DOCK10: variants seen among roughly 807,000 people sequenced by gnomAD.
The protein encoded by DOCK10 is dedicator of cytokinesis protein 10.
DOCK10 carries 145 observed loss-of-function variants against 280.1 expected under a neutral mutation model. That is an observed-to-expected ratio of 0.52 (90% confidence interval 0.45 to 0.59). The LOEUF (loss-of-function observed/expected upper bound fraction) is 0.59. Ranked by LOEUF, DOCK10 falls within the 20% of genes least tolerant of loss-of-function variation. The pLI, the probability that DOCK10 is intolerant of heterozygous loss-of-function variation, is 0.00. For missense variants in DOCK10, 2,368 were observed against 2,651.7 expected (o/e 0.89, Z 2.35); for synonymous variants, 915 against 942.2 (o/e 0.97, Z 0.53).
chr2:224,822,631 G>A (rs577906047), intron 28 of DOCK10, among the ~76,000 whole-genome samples: 18 of 152,248 alleles, frequency 1.2e-4, no homozygotes, highest in Admixed American at 3.3e-4. Flanking sequence ...AGGATCGCCT[G>A]AGCCCAGGGA....
At chr2:224,961,960 AG>A (rs1704476432) in intron 1 of DOCK10, among the ~76,000 whole-genome samples, 1 of 152,192 alleles carries the variant, frequency 6.6e-6, no homozygotes, top group African/African-American at 2.4e-5. Context: ...CAGGGGGTAC[AG>A]GAATTGCAGG....
chr2:225,017,202 G>A (rs1689634378), intron 1 of DOCK10, among the ~76,000 whole-genome samples: 1 of 140,522 alleles, frequency 7.1e-6, no homozygotes, highest in Non-Finnish European at 1.5e-5. Flanking sequence ...TAGCAAGAGT[G>A]AAGAAGGTCA....
At chr2:225,015,819 T>A (rs1689575210) in intron 1 of DOCK10, among the ~76,000 whole-genome samples, 1 of 152,250 alleles carries the variant, frequency 6.6e-6, no homozygotes, top group South Asian at 2.1e-4. Flanking sequence ...GCATTGTATT[T>A]CTTTCTAATT....
chr2:224,871,771 C>A (rs929389317), intron 11 of DOCK10, among the ~76,000 whole-genome samples: 1 of 152,188 alleles, frequency 6.6e-6, no homozygotes, highest in African/African-American at 2.4e-5. Context: ...ATCACCTCTG[C>A]CGAGAGGGCC....
At chr2:224,993,563 TCACTGGGCTCCCAG>T (rs1706188608) in intron 1 of DOCK10, among the ~76,000 whole-genome samples, 1 of 152,130 alleles carries the variant, frequency 6.6e-6, no homozygotes, top group Non-Finnish European at 1.5e-5. Flanking sequence ...GTGGGAGAAA[TCACTGGGCTCCCAG>T]CATTTCAGAT....
At chr2:224,911,764 G>A (rs1575044345) in intron 3 of DOCK10, among the ~76,000 whole-genome samples, 1 of 152,112 alleles carries the variant, frequency 6.6e-6, no homozygotes, top group East Asian at 1.9e-4. Flanking sequence ...ATATACAAAT[G>A]CCGTATACAC....
intron 51 of DOCK10, among the ~76,000 whole-genome samples, chr2:224,777,203 TTAATGTAATG>T (rs144307103): frequency 6.6e-6 from 1 of 152,288 alleles, no homozygotes; most frequent in Non-Finnish European, 1.5e-5. Flanking sequence ...TGTTCAAAGG[TTAATGTAATG>T]TAATGTAATG....
chr2:224,903,158 A>G (rs1435391918), intron 3 of DOCK10, among the ~76,000 whole-genome samples: 2 of 152,234 alleles, frequency 1.3e-5, no homozygotes, highest in Non-Finnish European at 2.9e-5. Flanking sequence ...CTCTTGAGGC[A>G]GAAGTACAAA....
At position 224,921,908 on chromosome 2, in the gene DOCK10, T is replaced by C. The variant is rs148002340; in HGVS notation, c.244-5124A>G. 3.0e-3 allele frequency among the ~76,000 whole-genome samples: 459 copies of C among 151,992 alleles called. 8 individuals carry two copies. Among genetic ancestry groups the C allele is most frequent in the African/African-American group, 0.011 (438 of 41,452 alleles). On this transcript the variant is annotated intron_variant, in intron 2 of 55. Coordinates refer to ENST00000258390, the MANE Select transcript of DOCK10 (RefSeq NM_014689.3). ...TGAGGTTGGGAGTGTGAGACCAGCC[T>C]GACCAACACGAAGAAACCCCGTCTC...
chr2:224,963,520 T>C (rs911131516), intron 1 of DOCK10, among the ~76,000 whole-genome samples: 3 of 152,188 alleles, frequency 2.0e-5, no homozygotes, highest in African/African-American at 7.2e-5. Flanking sequence ...GCCATAGTAA[T>C]CATTACATTG....
intron 1 of DOCK10, among the ~76,000 whole-genome samples, chr2:224,978,619 G>C (rs966321538): frequency 6.6e-6 from 1 of 152,078 alleles, no homozygotes; most frequent in Admixed American, 6.5e-5. Flanking sequence ...TGTGTTAGAA[G>C]GTAATGCGTG....
intron 1 of DOCK10, among the ~76,000 whole-genome samples, chr2:224,973,778 T>C (rs1403430474): frequency 6.6e-6 from 1 of 152,150 alleles, no homozygotes; most frequent in East Asian, 1.9e-4. Context: ...AGCCAAGGTA[T>C]ACAGAATTTA....
chr2:224,920,735 C>T (rs1018855681), intron 2 of DOCK10, among the ~76,000 whole-genome samples: 1 of 151,870 alleles, frequency 6.6e-6, no homozygotes, highest in Non-Finnish European at 1.5e-5. Context: ...TTCCTCTTTT[C>T]CATTTTCCAC....
intron 1 of DOCK10, among the ~76,000 whole-genome samples, chr2:224,981,719 T>G (rs749971728): frequency 2.0e-5 from 3 of 152,252 alleles, no homozygotes; most frequent in Non-Finnish European, 4.4e-5. Flanking sequence ...GTGCCTAAGT[T>G]AGGCATTCTG....
At position 224,773,160 on chromosome 2, in the gene DOCK10, C is replaced by A; in HGVS notation, c.6201G>T (p.Val2067=). 1 of 1,610,156 alleles carries A rather than the reference C, an allele frequency of 6.2e-7. No homozygotes were observed. The change falls in exon 53 of 56, where the codon GTG becomes GTT. Residue 2067 remains valine, a synonymous_variant. Transcript: ENST00000258390. ...GCCCTGGGCAATGCTTACTCACCTTCACGCTGACACTTCCTTGCAGTTTGA... is the reference window on the plus strand; with the variant it reads ...GCCCTGGGCAATGCTTACTCACCTTAACGCTGACACTTCCTTGCAGTTTGA... The part of the protein sequence containing the change: ...LQLKLQGSVS[V]KVNAGPMAYA...
chr2:224,878,699 A>G (rs1050918560), intron 7 of DOCK10, among the ~76,000 whole-genome samples: 2 of 152,268 alleles, frequency 1.3e-5, no homozygotes, highest in East Asian at 1.9e-4. Context: ...GTGGAAATTC[A>G]CAGCTCAAAC....
At chr2:224,961,132 C>A (rs1704357890) in intron 1 of DOCK10, among the ~76,000 whole-genome samples, 1 of 152,210 alleles carries the variant, frequency 6.6e-6, no homozygotes, top group African/African-American at 2.4e-5. Flanking sequence ...AAGTTATTCC[C>A]AACTCGGAAG....
intron 22 of DOCK10, among the ~76,000 whole-genome samples, chr2:224,843,000 C>T (rs1342508472): frequency 1.3e-5 from 2 of 152,138 alleles, no homozygotes; most frequent in African/African-American, 4.8e-5. Flanking sequence ...TGGGTAGGAA[C>T]CAACCAGACC....
At chr2:224,898,297 G>A (rs1700099789) in intron 3 of DOCK10, among the ~76,000 whole-genome samples, 1 of 152,182 alleles carries the variant, frequency 6.6e-6, no homozygotes, top group South Asian at 2.1e-4. Context: ...TCAGGGAGGT[G>A]CCCATACACA....
Sources: gnomAD v4.1 joint callset for allele counts (sites outside exome capture counted in the v4.1 genomes callset) on GRCh38, gnomAD v4.1.1 for gene constraint, MANE v1.5 for transcripts, NCBI Gene and HGNC (gene_info 2026-07-23, HGNC 2026-07-21) for gene names.